Variants in TMEM163 observed in about 807,000 individuals in gnomAD.
TMEM163 encodes the protein transmembrane protein 163.
TMEM163 carries 17 observed loss-of-function variants against 29.3 expected under a neutral mutation model. The observed-to-expected ratio is 0.58, with a 90% CI of 0.40 to 0.87. TMEM163 has a LOEUF of 0.87. TMEM163 is among the 40% of genes least tolerant of loss of function. The pLI is 0.00. For missense variants in TMEM163, 303 were observed against 381.5 expected (o/e 0.79, Z 1.71); for synonymous variants, 157 against 160.6 (o/e 0.98, Z 0.17).
Position 134,457,987 on chromosome 2 carries a change from A to C in TMEM163, c.809+45T>G, listed in dbSNP as rs185677858. ...CTGGGGAAGGCGGTGGAAAAGGGAC[A>C]CTCCTAGCTGCCAGGAAAGCAAACA... On this transcript the variant is annotated intron_variant, in intron 7 of 7. Coordinates refer to ENST00000281924, the MANE Select transcript of TMEM163 (RefSeq NM_030923.5). The C allele has an allele frequency of 9.3e-6, 15 of 1,611,464 alleles. No homozygotes were observed. The African/African-American group carries it at 1.9e-4, about 20-fold the overall frequency.
At chr2:134,631,333 C>CT (rs1199063850) in intron 2 of TMEM163, among the ~76,000 whole-genome samples, 2 of 152,036 alleles carry the variant, frequency 1.3e-5, no homozygotes, top group African/African-American at 4.8e-5. Context: ...ACACTAATGA[C>CT]TTTTTTTTCT....
At chr2:134,683,577 G>C (rs758649989) in intron 2 of TMEM163, among the ~76,000 whole-genome samples, 3 of 152,130 alleles carry the variant, frequency 2.0e-5, no homozygotes, top group Non-Finnish European at 2.9e-5. Context: ...CTAAATTTCT[G>C]CTTATTAGTG....
At chr2:134,639,955 T>G (rs1683190239) in intron 2 of TMEM163, among the ~76,000 whole-genome samples, 1 of 152,182 alleles carries the variant, frequency 6.6e-6, no homozygotes. Flanking sequence ...CTGGACACAA[T>G]GAGCACTTAC....
At chr2:134,694,871 G>A (rs890845165) in intron 2 of TMEM163, among the ~76,000 whole-genome samples, 3 of 152,092 alleles carry the variant, frequency 2.0e-5, no homozygotes, top group African/African-American at 7.2e-5. Context: ...TGGAATGCCA[G>A]AAATCTCCCG....
intron 5 of TMEM163, among the ~76,000 whole-genome samples, chr2:134,479,924 A>G (rs1490223124): frequency 6.6e-6 from 1 of 152,202 alleles, no homozygotes; most frequent in African/African-American, 2.4e-5. Context: ...AGCTGACAAA[A>G]TCTGATCTGG....
At chr2:134,670,200 CA>C (rs1683959961) in intron 2 of TMEM163, among the ~76,000 whole-genome samples, 1 of 152,068 alleles carries the variant, frequency 6.6e-6, no homozygotes, top group Admixed American at 6.5e-5. Flanking sequence ...AACATCTTGT[CA>C]GTGTTTAATT....
intron 2 of TMEM163, among the ~76,000 whole-genome samples, chr2:134,690,576 A>G (rs1028976745): frequency 6.6e-6 from 1 of 152,202 alleles, no homozygotes; most frequent in African/African-American, 2.4e-5. Context: ...GAGCCACCGC[A>G]CTCAGCCTAT....
At chr2:134,567,180 G>A (rs1276487534) in intron 2 of TMEM163, among the ~76,000 whole-genome samples, 1 of 152,106 alleles carries the variant, frequency 6.6e-6, no homozygotes, top group African/African-American at 2.4e-5. Context: ...AGGGGTTCAT[G>A]CTCCACAACC....
At chr2:134,524,197 T>C (rs1224013458) in intron 4 of TMEM163, among the ~76,000 whole-genome samples, 1 of 152,146 alleles carries the variant, frequency 6.6e-6, no homozygotes, top group East Asian at 1.9e-4. Flanking sequence ...TGAGCTGCAG[T>C]CTTAGGACGA....
At chr2:134,661,640 G>C (rs532259561) in intron 2 of TMEM163, among the ~76,000 whole-genome samples, 1 of 152,208 alleles carries the variant, frequency 6.6e-6, no homozygotes, top group Non-Finnish European at 1.5e-5. Context: ...ATGATCTTGA[G>C]AGCAGCCATT....
At chr2:134,471,210 G>A (rs1686793219) in intron 5 of TMEM163, among the ~76,000 whole-genome samples, 4 of 152,148 alleles carry the variant, frequency 2.6e-5, no homozygotes, top group Non-Finnish European at 5.9e-5. Context: ...CCCTGTTATG[G>A]ACTAGATGTC....
intron 2 of TMEM163, among the ~76,000 whole-genome samples, chr2:134,553,696 G>A (rs187228257): frequency 6.6e-6 from 1 of 152,292 alleles, no homozygotes; most frequent in Admixed American, 6.5e-5. Context: ...GCTGCTCCAG[G>A]AGTCCCTGCT....
At chr2:134,522,060 C>T (rs1340613403) in intron 4 of TMEM163, among the ~76,000 whole-genome samples, 2 of 152,164 alleles carry the variant, frequency 1.3e-5, no homozygotes, top group Admixed American at 1.3e-4. Flanking sequence ...TTCTCCGAAG[C>T]ATGCCCTGAG....
intron 5 of TMEM163, chr2:134,468,575 G>C (rs1686720883): frequency 6.6e-6 from 1 of 152,250 alleles, no homozygotes; most frequent in Non-Finnish European, 1.5e-5. Flanking sequence ...GGAAATTCAA[G>C]AACTTTGAGG....
intron 2 of TMEM163, among the ~76,000 whole-genome samples, chr2:134,612,538 C>T (rs1363236632): frequency 8.4e-6 from 1 of 118,630 alleles, no homozygotes; most frequent in Non-Finnish European, 1.7e-5. Flanking sequence ...TGAAGGTTTG[C>T]CCCAACACAC....
chr2:134,529,361 C>T (rs561482809), intron 4 of TMEM163, among the ~76,000 whole-genome samples: 1 of 149,710 alleles, frequency 6.7e-6, no homozygotes, highest in Non-Finnish European at 1.5e-5. Context: ...TATAAACCTG[C>T]GCACATGCAT....
intron 5 of TMEM163, among the ~76,000 whole-genome samples, chr2:134,496,116 C>A (rs1352356038): frequency 6.6e-6 from 1 of 151,374 alleles, no homozygotes; most frequent in African/African-American, 2.4e-5. Flanking sequence ...GGCTGGAGTG[C>A]AGTGGCGCAA....
intron 5 of TMEM163, among the ~76,000 whole-genome samples, chr2:134,475,677 T>C (rs900173822): frequency 3.9e-5 from 6 of 152,060 alleles, no homozygotes; most frequent in Non-Finnish European, 7.4e-5. Flanking sequence ...AGGCAAAAAT[T>C]TAAACACTTT....
At chr2:134,456,997 AC>A (rs1686411900) in intron 7 of TMEM163, among the ~76,000 whole-genome samples, 1 of 151,918 alleles carries the variant, frequency 6.6e-6, no homozygotes, top group Non-Finnish European at 1.5e-5. Flanking sequence ...GACGAGAAGT[AC>A]CCTCCTTCTG....
Sources: gnomAD v4.1 joint callset for allele counts (sites outside exome capture counted in the v4.1 genomes callset) on GRCh38, gnomAD v4.1.1 for gene constraint, MANE v1.5 for transcripts, NCBI Gene and HGNC (gene_info 2026-07-23, HGNC 2026-07-21) for gene names.